The following NPHP4 variants were observed in gnomAD, a reference collection of about 807,000 sequenced individuals.
NPHP4 encodes nephrocystin-4.
A neutral mutation model predicts 155.8 loss-of-function variants in NPHP4; 151 were observed. The observed-to-expected ratio is 0.97, with a 90% CI of 0.85 to 1.11. The LOEUF is 1.11. NPHP4 is among the 50% of genes least tolerant of loss of function. NPHP4 has a pLI of 0.00. For missense variants in NPHP4, 1,956 were observed against 1,925.7 expected (o/e 1.02, Z -0.29); for synonymous variants, 845 against 816.8 (o/e 1.03, Z -0.59).
At chr1:5,955,643 A>C (rs1268326905) in intron 6 of NPHP4, among the ~76,000 whole-genome samples, 6 of 152,288 alleles carry the variant, frequency 3.9e-5, no homozygotes, top group Non-Finnish European at 8.8e-5. Context: ...AGCCAAGCAC[A>C]GAAAGACAAA....
At chr1:5,881,811 C>A (rs1018015513) in intron 18 of NPHP4, 37 of 152,292 alleles carry the variant, frequency 2.4e-4, no homozygotes, top group African/African-American at 8.7e-4. Flanking sequence ...GGCCTTCCTG[C>A]CACCTCCTGC....
chr1:5,900,734 G>A (rs147436209), intron 16 of NPHP4, among the ~76,000 whole-genome samples: 13 of 152,178 alleles, frequency 8.5e-5, no homozygotes, highest in African/African-American at 2.2e-4. Flanking sequence ...TTCATCAATT[G>A]TAACAAATGT....
At chr1:5,976,851 G>A (rs1413522528) in intron 3 of NPHP4, among the ~76,000 whole-genome samples, 2 of 152,112 alleles carry the variant, frequency 1.3e-5, no homozygotes, top group Non-Finnish European at 2.9e-5. Context: ...CAACGAGCTC[G>A]TGGCCCTAGG....
rs1642198285 is a variant in NPHP4 at position 5,873,251 on chromosome 1, C to T, written c.3315+1G>A. 1 of 1,612,774 alleles carries T rather than the reference C, an allele frequency of 6.2e-7. No individual in the cohort carries two copies. The highest frequency in any genetic ancestry group is 1.3e-5 in the African/African-American group (1 of 75,030). ...CAGTTTGTCCTCCGTTGCCCCTTTA[C>T]CTTGGCGTGTTTAGTGGGCACTGCG... On this transcript the variant is annotated splice_donor_variant, in intron 23 of 29. Coordinates refer to ENST00000378156, the MANE Select transcript of NPHP4 (RefSeq NM_015102.5). LOFTEE classifies it high-confidence loss of function.
chr1:5,864,510 G>T lies in NPHP4; in HGVS notation c.3824C>A (p.Pro1275His), dbSNP rs768194818. 2 of 1,572,508 alleles carry T rather than the reference G, an allele frequency of 1.3e-6. No individual in the cohort carries two copies. Among genetic ancestry groups the T allele is most frequent in the Non-Finnish European group, 1.7e-6 (2 of 1,156,266 alleles). The change falls in exon 28 of 30, where the codon CCC becomes CAC. Residue 1275 changes from proline to histidine, a missense_variant. Transcript: ENST00000378156. Reference protein sequence around the residue: ...TSHPQELKTDPKGVFVLPPRG... With the variant: ...TSHPQELKTDHKGVFVLPPRG... ...AGGCGGCAGCACGAAGACACCTTTG[G>T]GGTCTGTCTTCAAGAGCGAGAGAGG...
In NPHP4 at chr1:5,890,814, C is replaced by T. The variant is rs779508124; in HGVS notation, c.2304+54G>A. ...GCAGACAGACGCTGGAAGCGTGACTCGTCCCATGAGGGACGCAGCACCCAC... is the reference window on the plus strand; with the variant it reads ...GCAGACAGACGCTGGAAGCGTGACTTGTCCCATGAGGGACGCAGCACCCAC... On this transcript the variant is annotated intron_variant, in intron 17 of 29. Transcript: ENST00000378156. The surrounding 1 kb of genome is among the most constrained non-coding windows in gnomAD (Gnocchi z 4.9). 1.4e-5 allele frequency: 22 copies of T among 1,544,222 alleles called. No homozygotes were observed. Among genetic ancestry groups the T allele is most frequent in the African/African-American group, 6.8e-5 (5 of 73,552 alleles).
chr1:5,958,136 C>T (rs958827929), intron 6 of NPHP4, among the ~76,000 whole-genome samples: 1 of 152,252 alleles, frequency 6.6e-6, no homozygotes, highest in Admixed American at 6.5e-5. Context: ...TCAGTTTTCA[C>T]TAAATGTACT....
intron 16 of NPHP4, among the ~76,000 whole-genome samples, chr1:5,900,439 G>A (rs905275721): frequency 2.6e-5 from 4 of 152,170 alleles, no homozygotes; most frequent in Non-Finnish European, 2.9e-5. Context: ...ACAGTGCTGG[G>A]GGGAAGAAAC....
intron 10 of NPHP4, among the ~76,000 whole-genome samples, chr1:5,929,743 C>T (rs1455770844): frequency 1.3e-5 from 2 of 152,040 alleles, no homozygotes; most frequent in South Asian, 2.1e-4. Context: ...ATGAAGGATA[C>T]GGGTCCACAG....
chr1:5,864,211 G>T, intron 28 of NPHP4, 127 bp downstream of exon 28: 2 of 1,138,026 alleles, frequency 1.8e-6, no homozygotes, highest in Non-Finnish European at 2.5e-6. Flanking sequence ...AAACACTCAT[G>T]CACCCGGCCC....
intron 11 of NPHP4, among the ~76,000 whole-genome samples, chr1:5,918,256 G>A (rs1468616597): frequency 1.3e-5 from 2 of 152,168 alleles, no homozygotes; most frequent in East Asian, 1.9e-4. Context: ...ATAAGAGAGG[G>A]CAAGGAAAGT....
At chr1:5,950,504 C>T (rs1211697303) in intron 7 of NPHP4, among the ~76,000 whole-genome samples, 1 of 152,228 alleles carries the variant, frequency 6.6e-6, no homozygotes, top group African/African-American at 2.4e-5. Context: ...ACCCTTTGTC[C>T]TGTAACCTGG....
chr1:5,905,876 T>C lies in NPHP4; in HGVS notation c.1612-93A>G. On this transcript the variant is annotated intron_variant, in intron 13 of 29. Coordinates refer to ENST00000378156, the MANE Select transcript of NPHP4 (RefSeq NM_015102.5). This position sits in a 1 kb window ranked among gnomAD's most constrained non-coding sequence, Gnocchi z 4.0. ...AGATCTAAGGGGATTCATCGATTAA[T>C]TGCCTCTGGAGGGTTGCCAGCTCTA... 1 of 1,261,572 alleles carries C rather than the reference T, an allele frequency of 7.9e-7. No individual in the cohort carries two copies. 78.1% of individuals were successfully genotyped at this position (1,261,572 alleles called of 1,614,324 possible).
chr1:5,988,718 G>T (rs1655829650), intron 1 of NPHP4, among the ~76,000 whole-genome samples: 1 of 152,130 alleles, frequency 6.6e-6, no homozygotes, highest in African/African-American at 2.4e-5. Flanking sequence ...GGAACCGAGA[G>T]GACATGACCA....
Position 5,936,246 on chromosome 1 carries a change from A to T in NPHP4, c.1120-2917T>A, listed in dbSNP as rs113351707. Among the ~76,000 whole-genome samples the T allele has an allele frequency of 4.1e-3, 625 of 152,366 alleles. 5 individuals are homozygous for T. Among genetic ancestry groups the T allele is most frequent in the African/African-American group, 0.014 (591 of 41,588 alleles). ...AAATCTGTGTAGCCAATTATTGATC[A>T]TTCTTTCTGAGACCTCAACAGGCGA... On this transcript the variant is annotated intron_variant, in intron 9 of 29. Coordinates refer to ENST00000378156, the MANE Select transcript of NPHP4 (RefSeq NM_015102.5).
chr1:5,978,231 C>G, intron 3 of NPHP4, 39 bp downstream of exon 3: 1 of 1,580,098 alleles, frequency 6.3e-7, no homozygotes. Context: ...ACACACCCTC[C>G]GCCTTGGAGC....
intron 16 of NPHP4, among the ~76,000 whole-genome samples, chr1:5,893,349 A>T (rs1644236943): frequency 1.3e-5 from 2 of 152,220 alleles, no homozygotes; most frequent in Admixed American, 1.3e-4. Context: ...TATTGGATAC[A>T]AAGCAAAAGG....
chr1:5,895,196 G>T (rs541769566), intron 16 of NPHP4, among the ~76,000 whole-genome samples: 6 of 152,108 alleles, frequency 3.9e-5, no homozygotes, highest in East Asian at 1.9e-4. Flanking sequence ...GTGGGGGAAG[G>T]GGGGAGGGAT....
At position 5,949,343 on chromosome 1, in the gene NPHP4, T is replaced by TACACACAC. The variant is rs140032819; in HGVS notation, c.811-1100_811-1093dup. On this transcript the variant is annotated intron_variant, in intron 7 of 29. Coordinates refer to ENST00000378156, the MANE Select transcript of NPHP4 (RefSeq NM_015102.5). ...AACAAGTCCAGCTCATTCACATACATACACACACACACACACACACACACA... is the reference window on the plus strand; with the variant it reads ...AACAAGTCCAGCTCATTCACATACATACACACACACACACACACACACACACACACACA... Among the ~76,000 whole-genome samples, 707 of 140,884 alleles carry TACACACAC rather than the reference T, an allele frequency of 5.0e-3. 9 individuals carry two copies. The highest frequency in any genetic ancestry group is 0.016 in the African/African-American group (619 of 37,700). 92.4% of individuals were successfully genotyped at this position (140,884 alleles called of 152,430 possible). A position where few individuals can be genotyped will look rare whatever the true frequency, so the allele number is the denominator to read the frequency against.
Sources: gnomAD v4.1 joint callset for allele counts (sites outside exome capture counted in the v4.1 genomes callset) on GRCh38, gnomAD v4.1.1 for gene constraint, Gnocchi (gnomAD v3.1) non-coding constraint, MANE v1.5 for transcripts, NCBI Gene and HGNC (gene_info 2026-07-23, HGNC 2026-07-21) for gene names.